Variants in GABRB1 observed in about 807,000 individuals in gnomAD.
The protein encoded by GABRB1 is gamma-aminobutyric acid type A receptor subunit beta1.
In GABRB1, 17 loss-of-function variants were observed where a neutral mutation model predicts 51.6. The ratio of observed to expected loss-of-function variants is 0.33; its 90% CI spans 0.23 to 0.49. The LOEUF (loss-of-function observed/expected upper bound fraction) is 0.49, where lower values mean the gene tolerates loss of function less well. Among genes scored for constraint, GABRB1 ranks in the 20% least tolerant of loss-of-function variants. The probability of loss-of-function intolerance (pLI) is 0.99; values close to 1 mark genes in which losing one functional copy is unlikely to be tolerated. For synonymous variants in GABRB1, 247 were observed against 218.9 expected (o/e 1.13, Z -1.14); for missense variants, 410 against 600.6 (o/e 0.68, Z 3.32).
chr4:47,137,069 C>A lies in GABRB1; in HGVS notation c.241-24180C>A, dbSNP rs534165643. Among the ~76,000 whole-genome samples, 27 of 152,142 alleles carry A rather than the reference C, an allele frequency of 1.8e-4. 1 individual carries two copies. The South Asian group carries it at 5.2e-3, about 29-fold the overall frequency. On this transcript the variant is annotated intron_variant, in intron 3 of 8. Transcript: ENST00000295454. ...AGGGCGCCACAGAAGGGTAACCTAC[C>A]CTGAACATTGATTTATAAACAAGTC...
chr4:47,202,982 C>T (rs1404823425), intron 4 of GABRB1, among the ~76,000 whole-genome samples: 1 of 152,126 alleles, frequency 6.6e-6, no homozygotes, highest in Non-Finnish European at 1.5e-5. Context: ...AGGGTTGGAA[C>T]AGCAAGGCTT....
At position 47,417,373 on chromosome 4, in the gene GABRB1, TAA is replaced by T. The variant is rs372263694; in HGVS notation, c.1081-8299_1081-8298del. ...CTTCTGTTCCTTCTCAAAATGATAA[TAA>T]AGTTTCCACTTCTGCCGCAAGCTTT... On this transcript the variant is annotated intron_variant, in intron 8 of 8. Transcript: ENST00000295454. Among the ~76,000 whole-genome samples the T allele has an allele frequency of 5.5e-4, 84 of 152,058 alleles. 1 individual carries two copies. The East Asian group carries it at 0.011, about 20-fold the overall frequency.
intron 3 of GABRB1, among the ~76,000 whole-genome samples, chr4:47,046,599 C>A (rs1726102047): frequency 2.0e-5 from 3 of 151,948 alleles, no homozygotes; most frequent in Non-Finnish European, 4.4e-5. Context: ...AAGATGAGAT[C>A]TCATGACATA....
At chr4:47,206,902 G>A (rs769602252) in intron 4 of GABRB1, among the ~76,000 whole-genome samples, 9 of 151,638 alleles carry the variant, frequency 5.9e-5, no homozygotes, top group Admixed American at 5.3e-4. Context: ...GTATATGTGT[G>A]TGTGTTTATC....
intron 5 of GABRB1, among the ~76,000 whole-genome samples, chr4:47,389,254 C>T (rs112008500): frequency 5.9e-5 from 9 of 152,306 alleles, no homozygotes; most frequent in South Asian, 2.1e-4. Context: ...CATCCCCTTC[C>T]CTGCTTAAGA....
intron 4 of GABRB1, among the ~76,000 whole-genome samples, chr4:47,216,492 G>A (rs1720559318): frequency 6.6e-6 from 1 of 151,646 alleles, no homozygotes; most frequent in South Asian, 2.1e-4. Flanking sequence ...TTAGCATCAG[G>A]GCTCTTTGTA....
In GABRB1 at chr4:47,295,422, T is replaced by C. The variant is rs560041433; in HGVS notation, c.462-24705T>C. The stretch of plus-strand genomic sequence containing the variant: ...ACAGAGAAGTGCTTAAAGGAGCTGA[T>C]GGAGCTGAAAGCCAAGGCTCGAGAA... On this transcript the variant is annotated intron_variant, in intron 4 of 8. Transcript: ENST00000295454. Among the ~76,000 whole-genome samples the C allele has an allele frequency of 2.2e-3, 334 of 152,262 alleles. 3 individuals are homozygous for C. The highest frequency in any genetic ancestry group is 7.1e-3 in the African/African-American group (294 of 41,542).
chr4:47,055,006 T>A (rs922629311), intron 3 of GABRB1, among the ~76,000 whole-genome samples: 2 of 152,226 alleles, frequency 1.3e-5, no homozygotes, highest in Non-Finnish European at 2.9e-5. Flanking sequence ...ACTTCTTCCA[T>A]CATGGCAGAA....
intron 5 of GABRB1, among the ~76,000 whole-genome samples, chr4:47,400,698 G>T (rs910175544): frequency 1.3e-5 from 2 of 151,948 alleles, no homozygotes; most frequent in Admixed American, 1.3e-4. Context: ...CCTAATATGT[G>T]ATTTTTTTAT....
At chr4:47,346,085 G>C (rs1187061837) in intron 5 of GABRB1, among the ~76,000 whole-genome samples, 1 of 150,844 alleles carries the variant, frequency 6.6e-6, no homozygotes, top group Non-Finnish European at 1.5e-5. Context: ...ATCAATAACA[G>C]TGAGAAGAAA....
intron 4 of GABRB1, among the ~76,000 whole-genome samples, chr4:47,304,829 T>C (rs1724387202): frequency 6.6e-6 from 1 of 152,078 alleles, no homozygotes; most frequent in Non-Finnish European, 1.5e-5. Flanking sequence ...TAATTGTTCA[T>C]GAAGTTAGCA....
intron 1 of GABRB1, among the ~76,000 whole-genome samples, chr4:47,022,428 A>G (rs1378584377): frequency 6.6e-6 from 1 of 152,134 alleles, no homozygotes; most frequent in Non-Finnish European, 1.5e-5. Context: ...ACTGGCCAAA[A>G]GAATGACAAA....
At chr4:47,374,609 C>A (rs1050642061) in intron 5 of GABRB1, among the ~76,000 whole-genome samples, 1 of 152,106 alleles carries the variant, frequency 6.6e-6, no homozygotes, top group Admixed American at 6.5e-5. Flanking sequence ...TAGTATTGAG[C>A]CTGAATTTTA....
At chr4:47,172,210 A>AT (rs1560570269) in intron 4 of GABRB1, among the ~76,000 whole-genome samples, 2 of 152,344 alleles carry the variant, frequency 1.3e-5, no homozygotes, top group South Asian at 2.1e-4. Context: ...TTCTGGAATG[A>AT]TAAGTACCAT....
At chr4:47,065,372 G>A (rs1441473571) in intron 3 of GABRB1, among the ~76,000 whole-genome samples, 2 of 152,172 alleles carry the variant, frequency 1.3e-5, no homozygotes, top group Non-Finnish European at 2.9e-5. Flanking sequence ...AGCAAAAGTT[G>A]GAAAACTGCC....
chr4:47,125,541 C>A (rs1390074004), intron 3 of GABRB1, among the ~76,000 whole-genome samples: 1 of 145,116 alleles, frequency 6.9e-6, no homozygotes, highest in Non-Finnish European at 1.5e-5. Flanking sequence ...TATCTCTAGA[C>A]ACAACAAAGT....
chr4:47,031,301 C>T, upstream of GABRB1: 1 of 276,676 alleles, frequency 3.6e-6, no homozygotes, highest in South Asian at 4.3e-5. Context: ...TCACTGAGCG[C>T]CCAGTAAAAA....
chr4:47,307,268 C>T (rs1724506258), intron 4 of GABRB1, among the ~76,000 whole-genome samples: 1 of 152,024 alleles, frequency 6.6e-6, no homozygotes, highest in Non-Finnish European at 1.5e-5. Context: ...ACCTATTTAA[C>T]ACTGGACCTA....
At chr4:47,395,067 G>A (rs760999923) in intron 5 of GABRB1, among the ~76,000 whole-genome samples, 1 of 152,148 alleles carries the variant, frequency 6.6e-6, no homozygotes, top group Non-Finnish European at 1.5e-5. Flanking sequence ...TGCAAGGCAA[G>A]GTTCAGTGCA....
Sources: allele counts gnomAD v4.1 joint callset (sites outside exome capture counted in the v4.1 genomes callset), GRCh38; gene constraint gnomAD v4.1.1; transcripts MANE v1.5; gene names NCBI Gene and HGNC (gene_info 2026-07-23, HGNC 2026-07-21).